The following GK5 variants were observed in gnomAD, a reference collection of about 807,000 sequenced individuals.
The protein encoded by GK5 is ATP:glycerol 3-phosphotransferase 5.
A neutral mutation model predicts 77.3 loss-of-function variants in GK5; 39 were observed. That is an observed-to-expected ratio of 0.50 (90% CI 0.39 to 0.66). The LOEUF (loss-of-function observed/expected upper bound fraction) is 0.66, where lower values mean the gene tolerates loss of function less well. Among genes scored for constraint, GK5 ranks in the 30% least tolerant of loss-of-function variants. GK5 has a pLI of 0.00. For missense variants in GK5, 487 were observed against 633.8 expected (o/e 0.77, Z 2.49); for synonymous variants, 211 against 208.0 (o/e 1.01, Z -0.13).
intron 14 of GK5, among the ~76,000 whole-genome samples, chr3:142,171,156 A>C (rs564006927): frequency 2.4e-4 from 36 of 152,270 alleles, no homozygotes; most frequent in Admixed American, 1.1e-3. Context: ...ACTTGAACCC[A>C]GGCAGTAGAG....
At chr3:142,210,293 T>C (rs2064173963) in intron 3 of GK5, among the ~76,000 whole-genome samples, 1 of 152,094 alleles carries the variant, frequency 6.6e-6, no homozygotes, top group Non-Finnish European at 1.5e-5. Flanking sequence ...GAGGAGGAGC[T>C]GCTGGCCAGG....
chr3:142,223,533 T>C (rs899062339), intron 1 of GK5, among the ~76,000 whole-genome samples: 1 of 152,182 alleles, frequency 6.6e-6, no homozygotes, highest in African/African-American at 2.4e-5. Context: ...AGTTCCACTG[T>C]CTTGGTCCTG....
chr3:142,219,626 CAT>C (rs2064315978), intron 1 of GK5, among the ~76,000 whole-genome samples: 1 of 152,196 alleles, frequency 6.6e-6, no homozygotes, highest in Non-Finnish European at 1.5e-5. Flanking sequence ...TACTTCTACA[CAT>C]GTCCTAAAGT....
At position 142,207,231 on chromosome 3, in the gene GK5, G is replaced by A. The variant is rs111673780; in HGVS notation, c.318-2443C>T. ...GAGCCTATAAACGGACGCATGAGGG[G>A]GGTGCCTATCCATATGGATAAGATA... is the stretch of plus-strand genomic sequence containing the variant. On this transcript the variant is annotated intron_variant, in intron 3 of 15. Coordinates refer to ENST00000392993, the MANE Select transcript of GK5 (RefSeq NM_001039547.3). Among the ~76,000 whole-genome samples the A allele has an allele frequency of 5.4e-3, 820 of 152,228 alleles. 17 individuals are homozygous for A. Among genetic ancestry groups the A allele is most frequent in the African/African-American group, 0.019 (792 of 41,518 alleles).
intron 11 of GK5, among the ~76,000 whole-genome samples, chr3:142,180,325 G>A (rs1262804712): frequency 2.0e-5 from 3 of 150,038 alleles, no homozygotes; most frequent in South Asian, 2.1e-4. Flanking sequence ...TTTTTGAGAC[G>A]GAGTTTTGCT....
At chr3:142,176,389 A>G (rs969357908) in intron 12 of GK5, among the ~76,000 whole-genome samples, 4 of 152,102 alleles carry the variant, frequency 2.6e-5, no homozygotes, top group African/African-American at 9.7e-5. Flanking sequence ...TATTTGGAGG[A>G]GGATTAAAAA....
intron 11 of GK5, among the ~76,000 whole-genome samples, chr3:142,178,217 G>A (rs1364198283): frequency 6.6e-6 from 1 of 152,020 alleles, no homozygotes; most frequent in Non-Finnish European, 1.5e-5. Context: ...AGGATTTTTG[G>A]CATTAAAAAA....
chr3:142,212,502 C>G (rs2064200093), intron 3 of GK5, among the ~76,000 whole-genome samples: 1 of 152,050 alleles, frequency 6.6e-6, no homozygotes, highest in Non-Finnish European at 1.5e-5. Context: ...TGCCACTACA[C>G]TCCAGCCTGG....
chr3:142,192,096 G>A (rs752654816), intron 5 of GK5, among the ~76,000 whole-genome samples: 7 of 152,170 alleles, frequency 4.6e-5, no homozygotes, highest in South Asian at 2.1e-4. Context: ...AATATGCTCT[G>A]TATCACAAGG....
chr3:142,189,076 T>C (rs560347337), intron 5 of GK5, among the ~76,000 whole-genome samples: 6 of 152,328 alleles, frequency 3.9e-5, no homozygotes, highest in East Asian at 1.9e-4. Flanking sequence ...TAGCATTCTA[T>C]AGATAGCTTC....
intron 6 of GK5, 51 bp from the exon 7 acceptor site, chr3:142,186,564 C>T: frequency 1.2e-6 from 1 of 802,986 alleles, no homozygotes. Context: ...TATAAATCAA[C>T]ACCTATCGAT....
intron 5 of GK5, among the ~76,000 whole-genome samples, chr3:142,193,772 G>T (rs1456507318): frequency 1.3e-5 from 2 of 151,940 alleles, no homozygotes; most frequent in Admixed American, 1.3e-4. Context: ...ACAGCATCTC[G>T]CTCTGTTGCC....
intron 11 of GK5, among the ~76,000 whole-genome samples, chr3:142,177,869 T>C (rs2063640122): frequency 6.6e-6 from 1 of 150,598 alleles, no homozygotes. Context: ...TTTTTTTTTT[T>C]TTTTTTGAGA....
rs2063452789 is a variant in GK5, at chr3:142,164,497, T to C, written c.*1125A>G. The C allele has an allele frequency of 6.6e-6, 1 of 152,250 alleles. No individual in the cohort carries two copies. The allele number at this position is 152,250 out of a possible 1,614,324, so 9.4% of individuals were successfully genotyped here. On this transcript the variant is annotated 3_prime_UTR_variant, in exon 16 of 16. Coordinates refer to ENST00000392993, the MANE Select transcript of GK5 (RefSeq NM_001039547.3). ...CTCCTCACTGTTTCTTCCAAGAAAG[T>C]CTAAGCATGTGAAACTGTCCTTGTT...
intron 2 of GK5, among the ~76,000 whole-genome samples, chr3:142,214,481 A>C (rs982054540): frequency 6.6e-6 from 1 of 152,238 alleles, no homozygotes; most frequent in Non-Finnish European, 1.5e-5. Flanking sequence ...GACAACTTCA[A>C]TTTGAGCATT....
chr3:142,200,403 G>A (rs2064002943), intron 4 of GK5, among the ~76,000 whole-genome samples: 1 of 152,070 alleles, frequency 6.6e-6, no homozygotes, highest in South Asian at 2.1e-4. Flanking sequence ...CCTGACTTCA[G>A]GTGATCCGCC....
At chr3:142,183,209 A>G (rs2063720838) in intron 9 of GK5, 160 bp from the exon 10 acceptor site, 10 of 605,702 alleles carry the variant, frequency 1.7e-5, no homozygotes, top group Middle Eastern at 2.8e-4. Flanking sequence ...ATAGGGAGCA[A>G]CAACCATAGG....
At chr3:142,216,588 G>A (rs1246916491) in intron 1 of GK5, among the ~76,000 whole-genome samples, 1 of 152,062 alleles carries the variant, frequency 6.6e-6, no homozygotes, top group Non-Finnish European at 1.5e-5. Flanking sequence ...CCAGCCGAGT[G>A]GAGTAATAAA....
At chr3:142,168,554 G>A (rs1245343876) in intron 15 of GK5, among the ~76,000 whole-genome samples, 1 of 151,996 alleles carries the variant, frequency 6.6e-6, no homozygotes, top group Non-Finnish European at 1.5e-5. Context: ...TTTGTACCAA[G>A]CATCCCCCAG....
Sources: allele counts gnomAD v4.1 joint callset (sites outside exome capture counted in the v4.1 genomes callset), GRCh38; gene constraint gnomAD v4.1.1; transcripts MANE v1.5; gene names NCBI Gene and HGNC (gene_info 2026-07-23, HGNC 2026-07-21).